PEX13: variants seen among roughly 807,000 people sequenced by gnomAD.
PEX13 encodes the protein peroxisomal biogenesis factor 13.
In PEX13, 28 loss-of-function variants were observed where a neutral mutation model predicts 34.5. The observed-to-expected ratio is 0.81, with a 90% CI of 0.60 to 1.11. PEX13 has a LOEUF of 1.11. Among genes scored for constraint, PEX13 ranks in the 50% most tolerant of loss-of-function variants. The probability of loss-of-function intolerance (pLI) is 0.00; values close to 1 mark genes in which losing one functional copy is unlikely to be tolerated. For synonymous variants in PEX13, 177 were observed against 175.1 expected (o/e 1.01, Z -0.09); for missense variants, 550 against 491.0 (o/e 1.12, Z -1.13).
intron 1 of PEX13, among the ~76,000 whole-genome samples, chr2:61,027,708 G>T (rs1680383163): frequency 6.6e-6 from 1 of 152,102 alleles, no homozygotes; most frequent in South Asian, 2.1e-4. Context: ...TTACATTTCT[G>T]TTTAGTTTCT....
Position 61,049,240 on chromosome 2 carries a change from A to T in PEX13, c.*470A>T, listed in dbSNP as rs1475859731. 1 of 160,282 alleles carries T rather than the reference A, an allele frequency of 6.2e-6. No homozygotes were observed. The highest frequency in any genetic ancestry group is 1.4e-5 in the Non-Finnish European group (1 of 72,660). The allele number at this position is 160,282 out of a possible 1,614,324, so 9.9% of individuals were successfully genotyped here. The stretch of plus-strand genomic sequence containing the variant: ...AACCTTAAGTAATCTCAATAATAAA[A>T]TTTTCTGATCTGTATTATATCCAGT... On this transcript the variant is annotated 3_prime_UTR_variant, in exon 4 of 4. Coordinates refer to ENST00000295030, the MANE Select transcript of PEX13 (RefSeq NM_002618.4).
rs1680781581 is a variant in PEX13, at chr2:61,050,643, G to C, written c.*1873G>C. On this transcript the variant is annotated 3_prime_UTR_variant, in exon 4 of 4. Transcript: ENST00000295030. ...TTTTTCTTTTGTCTTTTTTTGAAAC[G>C]GAGTCTCACTCTGTCGCCCAGGCTG... The C allele has an allele frequency of 6.6e-6, 1 of 151,958 alleles. No individual in the cohort carries two copies. Among genetic ancestry groups the C allele is most frequent in the Non-Finnish European group, 1.5e-5 (1 of 67,982 alleles). 9.4% of individuals were successfully genotyped at this position (151,958 alleles called of 1,614,324 possible).
chr2:61,021,528 G>T (rs549068171), intron 1 of PEX13, among the ~76,000 whole-genome samples: 1 of 152,328 alleles, frequency 6.6e-6, no homozygotes, highest in African/African-American at 2.4e-5. Flanking sequence ...AGCTTGAACT[G>T]GGAGGAGCCC....
At chr2:61,027,400 C>T (rs1455238879) in intron 1 of PEX13, among the ~76,000 whole-genome samples, 2 of 151,730 alleles carry the variant, frequency 1.3e-5, no homozygotes, top group East Asian at 3.9e-4. Context: ...TTAAGGATAT[C>T]ACACATCAAG....
intron 1 of PEX13, among the ~76,000 whole-genome samples, chr2:61,027,145 G>A (rs1680370578): frequency 6.8e-6 from 1 of 147,946 alleles, no homozygotes; most frequent in Non-Finnish European, 1.5e-5. Flanking sequence ...AAGATGTAGC[G>A]AGAACCCATT....
chr2:61,040,460 A>G (rs1157419417), intron 2 of PEX13, among the ~76,000 whole-genome samples: 1 of 152,114 alleles, frequency 6.6e-6, no homozygotes, highest in Non-Finnish European at 1.5e-5. Flanking sequence ...GCTGGAAACC[A>G]TCATTCCCAG....
At chr2:61,036,844 A>G (rs915672553) in intron 2 of PEX13, among the ~76,000 whole-genome samples, 1 of 152,226 alleles carries the variant, frequency 6.6e-6, no homozygotes, top group Non-Finnish European at 1.5e-5. Context: ...CAAATTGGAT[A>G]AAGAGTCAAG....
At chr2:61,021,662 G>T (rs1370502829) in intron 1 of PEX13, among the ~76,000 whole-genome samples, 2 of 152,214 alleles carry the variant, frequency 1.3e-5, no homozygotes, top group Non-Finnish European at 1.5e-5. Flanking sequence ...TCTGAAGAGA[G>T]CAGTGGTTCT....
At position 61,048,741 on chromosome 2, in the gene PEX13, G is replaced by A. The variant is rs1337201612; in HGVS notation, c.1183G>A (p.Gly395Arg). The stretch of plus-strand genomic sequence containing the variant: ...GGTTCCAGTTGCACCTGATTCCATT[G>A]GGAAAGATGGAGAAAAGCAAGATCT... ...NKVPVAPDSIGKDGEKQDL is the reference protein window; with the variant it reads ...NKVPVAPDSIRKDGEKQDL Residue 395 changes from glycine (G) to arginine (R), a missense_variant, in exon 4 of 4, where the codon GGG (glycine) becomes AGG (arginine). Coordinates refer to ENST00000295030, the MANE Select transcript of PEX13 (RefSeq NM_002618.4). 2 of 1,613,746 alleles carry A rather than the reference G, an allele frequency of 1.2e-6. No homozygotes were observed. The highest frequency in any genetic ancestry group is 2.7e-5 in the African/African-American group (2 of 74,908).
intron 3 of PEX13, among the ~76,000 whole-genome samples, chr2:61,046,961 C>T (rs1018014765): frequency 3.9e-5 from 6 of 152,216 alleles, no homozygotes; most frequent in East Asian, 1.9e-4. Flanking sequence ...GCAGTGTGTG[C>T]ACCTATAGTC....
At chr2:61,047,439 C>G (rs371053547) in intron 3 of PEX13, among the ~76,000 whole-genome samples, 30 of 152,284 alleles carry the variant, frequency 2.0e-4, no homozygotes, top group African/African-American at 6.7e-4. Flanking sequence ...CAGATGTGTA[C>G]CACCACGCTG....
At chr2:61,018,331 C>T in intron 1 of PEX13, 1 of 1,531,738 alleles carries the variant, frequency 6.5e-7, no homozygotes. Flanking sequence ...AAGCCCCGTA[C>T]ACTTTGCATT....
chr2:61,033,855 G>C (rs1680490827), intron 2 of PEX13, among the ~76,000 whole-genome samples: 1 of 152,196 alleles, frequency 6.6e-6, no homozygotes, highest in African/African-American at 2.4e-5. Flanking sequence ...TTAGTGGCAG[G>C]AGATGAAGGG....
intron 2 of PEX13, among the ~76,000 whole-genome samples, chr2:61,035,029 C>T (rs1047684332): frequency 7.2e-5 from 11 of 152,238 alleles, no homozygotes; most frequent in Non-Finnish European, 1.0e-4. Context: ...AGGTCCCTGA[C>T]CCCTGTGTAG....
intron 2 of PEX13, among the ~76,000 whole-genome samples, chr2:61,040,837 A>G (rs963774610): frequency 4.1e-5 from 6 of 148,048 alleles, no homozygotes; most frequent in Non-Finnish European, 5.9e-5. Context: ...ATGTGTATAT[A>G]TATAAAAAAG....
chr2:61,033,812 C>T (rs553905234), intron 2 of PEX13, among the ~76,000 whole-genome samples: 45 of 152,074 alleles, frequency 3.0e-4, no homozygotes, highest in East Asian at 3.9e-4. Flanking sequence ...ATCATGGGAA[C>T]GGGAAGGAGG....
rs187566331 is a variant in PEX13 at position 61,035,896 on chromosome 2, T to C, written c.787+3783T>C. 9.6e-4 allele frequency among the ~76,000 whole-genome samples: 145 copies of C among 151,586 alleles called. 1 individual carries two copies. The highest frequency in any genetic ancestry group is 3.1e-3 in the African/African-American group (129 of 41,262). ...TACTAGGGAGGCTGAGGCAGGAGAATTGCTTGAACCCAGGAGGCGGAGGTT... is the reference window on the plus strand; with the variant it reads ...TACTAGGGAGGCTGAGGCAGGAGAACTGCTTGAACCCAGGAGGCGGAGGTT... On this transcript the variant is annotated intron_variant, in intron 2 of 3. Transcript: ENST00000295030.
At chr2:61,021,636 G>A (rs1057399866) in intron 1 of PEX13, among the ~76,000 whole-genome samples, 2 of 152,346 alleles carry the variant, frequency 1.3e-5, no homozygotes, top group East Asian at 1.9e-4. Context: ...GGACTTAAAC[G>A]TCCCTGTCTG....
At chr2:61,018,255 T>A (rs1360121011) in intron 1 of PEX13, 2 of 1,551,068 alleles carry the variant, frequency 1.3e-6, no homozygotes, top group Non-Finnish European at 8.7e-7. Context: ...GCAAAGTCTC[T>A]CCTTAAAGGT....
Sources: allele counts gnomAD v4.1 joint callset (sites outside exome capture counted in the v4.1 genomes callset), GRCh38; gene constraint gnomAD v4.1.1; transcripts MANE v1.5; gene names NCBI Gene and HGNC (gene_info 2026-07-23, HGNC 2026-07-21).